DSE: variants seen among roughly 807,000 people sequenced by gnomAD.
DSE encodes dermatan sulfate epimerase.
A neutral mutation model predicts 84.4 loss-of-function variants in DSE; 36 were observed. That is an observed-to-expected ratio of 0.43 (90% confidence interval 0.33 to 0.56). The LOEUF (loss-of-function observed/expected upper bound fraction) is 0.56, where lower values mean the gene tolerates loss of function less well. Ranked by LOEUF, DSE falls within the 20% of genes least tolerant of loss-of-function variation. The probability of loss-of-function intolerance (pLI) is 0.06; values close to 1 mark genes in which losing one functional copy is unlikely to be tolerated. For missense variants in DSE, 862 were observed against 1,169.6 expected (o/e 0.74, Z 3.84); for synonymous variants, 410 against 430.1 (o/e 0.95, Z 0.58).
At chr6:116,267,176 G>A (rs939053426) in intron 2 of DSE, among the ~76,000 whole-genome samples, 2 of 152,202 alleles carry the variant, frequency 1.3e-5, no homozygotes, top group East Asian at 1.9e-4. Flanking sequence ...TATACTATAT[G>A]TGATTGTAGA....
At chr6:116,276,382 T>C (rs1773142813) in intron 2 of DSE, among the ~76,000 whole-genome samples, 1 of 151,792 alleles carries the variant, frequency 6.6e-6, no homozygotes, top group East Asian at 1.9e-4. Flanking sequence ...GAAGGGGAGG[T>C]TGTGCTGCAT....
rs186779062 is a variant in DSE, at chr6:116,439,396, C to T, written c.*2051C>T. On this transcript the variant is annotated 3_prime_UTR_variant, in exon 6 of 6. Coordinates refer to ENST00000644252, the MANE Select transcript of DSE (RefSeq NM_013352.4). Reference sequence around the variant, plus strand: ...ATTTTAAAGTAGTCTTTTTAAAATACGCATCTTTAAAACAAAATGAATTAA... The same window carrying T: ...ATTTTAAAGTAGTCTTTTTAAAATATGCATCTTTAAAACAAAATGAATTAA... 77 of 150,970 alleles carry T rather than the reference C, an allele frequency of 5.1e-4. No homozygotes were observed. The highest frequency in any genetic ancestry group is 3.4e-3 in the Middle Eastern group (1 of 292). The allele number at this position is 150,970 out of a possible 1,614,324, so 9.4% of individuals were successfully genotyped here.
At chr6:116,431,554 A>G (rs566885022) in intron 4 of DSE, among the ~76,000 whole-genome samples, 11 of 152,218 alleles carry the variant, frequency 7.2e-5, no homozygotes, top group Non-Finnish European at 1.5e-4. Flanking sequence ...GTTTTCCTTT[A>G]TATGTGATCC....
chr6:116,433,015 A>T lies in DSE; in HGVS notation c.911-328A>T, dbSNP rs536878435. 3 of 263,618 alleles carry T rather than the reference A, an allele frequency of 1.1e-5. No individual in the cohort carries two copies. The Admixed American group carries it at 1.5e-4, about 13-fold the overall frequency. 16.3% of individuals were successfully genotyped at this position (263,618 alleles called of 1,614,324 possible). Reference sequence around the variant, plus strand: ...TCAGAAACCCAAACTGCACAAGAGGATGTCCCATGTATATATGCAAATATA... The same window carrying T: ...TCAGAAACCCAAACTGCACAAGAGGTTGTCCCATGTATATATGCAAATATA... On this transcript the variant is annotated intron_variant, in intron 4 of 5. Coordinates refer to ENST00000644252, the MANE Select transcript of DSE (RefSeq NM_013352.4).
chr6:116,429,915 G>A (rs1172933979), intron 3 of DSE, among the ~76,000 whole-genome samples: 1 of 13,348 alleles, frequency 7.5e-5, no homozygotes, highest in African/African-American at 6.0e-4. Flanking sequence ...TTGCGCCACT[G>A]CACTCCCGTC....
chr6:116,258,184 T>A (rs1342135261), intron 1 of DSE, among the ~76,000 whole-genome samples: 1 of 147,378 alleles, frequency 6.8e-6, no homozygotes, highest in Non-Finnish European at 1.5e-5. Context: ...CCCGGCTAAT[T>A]TTTTTTTTTT....
chr6:116,383,849 C>A (rs1780408840), intron 1 of DSE, among the ~76,000 whole-genome samples: 1 of 152,208 alleles, frequency 6.6e-6, no homozygotes, highest in African/African-American at 2.4e-5. Flanking sequence ...TAGTCTCCAG[C>A]AGTCTACTAG....
intron 2 of DSE, among the ~76,000 whole-genome samples, chr6:116,296,117 C>G (rs1774649973): frequency 6.6e-6 from 1 of 151,994 alleles, no homozygotes; most frequent in Non-Finnish European, 1.5e-5. Flanking sequence ...TCCAGTACCC[C>G]CTCAGATACC....
intron 2 of DSE, among the ~76,000 whole-genome samples, chr6:116,406,085 G>C (rs1315169876): frequency 6.6e-6 from 1 of 152,188 alleles, no homozygotes; most frequent in Non-Finnish European, 1.5e-5. Context: ...AATTTTCTTT[G>C]TAAGATATGT....
At chr6:116,396,598 A>G (rs1781264483) in intron 1 of DSE, among the ~76,000 whole-genome samples, 1 of 152,224 alleles carries the variant, frequency 6.6e-6, no homozygotes, top group Non-Finnish European at 1.5e-5. Flanking sequence ...AGAACCTTCA[A>G]TAACAGTTGG....
chr6:116,257,860 G>A (rs1342573295), intron 1 of DSE, among the ~76,000 whole-genome samples: 1 of 152,084 alleles, frequency 6.6e-6, no homozygotes, highest in Admixed American at 6.6e-5. Context: ...CAATATATTA[G>A]AGGGGACAAA....
chr6:116,280,101 T>G (rs774630029), intron 2 of DSE: 10 of 539,412 alleles, frequency 1.9e-5, no homozygotes, highest in Non-Finnish European at 3.1e-5. Context: ...TAAATGTCGA[T>G]TGTGCTGAGT....
At chr6:116,363,244 TAC>T (rs1313528701) in intron 2 of DSE, among the ~76,000 whole-genome samples, 3 of 151,824 alleles carry the variant, frequency 2.0e-5, no homozygotes, top group Admixed American at 6.6e-5. Flanking sequence ...AATATATATA[TAC>T]ACACACACAT....
At chr6:116,297,085 G>T (rs1206232533) in intron 2 of DSE, among the ~76,000 whole-genome samples, 1 of 152,146 alleles carries the variant, frequency 6.6e-6, no homozygotes, top group Non-Finnish European at 1.5e-5. Flanking sequence ...GGTAGGCAAA[G>T]TATAGTGGAG....
chr6:116,316,820 C>CTAT (rs796894874), intron 2 of DSE, among the ~76,000 whole-genome samples: 1,655 of 97,512 alleles, frequency 0.017, 58 homozygotes, highest in Admixed American at 0.11. Flanking sequence ...ACTACTACTA[C>CTAT]TACTACTATT....
intron 1 of DSE, among the ~76,000 whole-genome samples, chr6:116,376,445 T>C (rs1297382465): frequency 6.6e-6 from 1 of 152,194 alleles, no homozygotes; most frequent in Non-Finnish European, 1.5e-5. Flanking sequence ...GAGAGCCTGT[T>C]AGAGATCACA....
chr6:116,279,674 C>T (rs1773379332), intron 2 of DSE: 1 of 1,608,804 alleles, frequency 6.2e-7, no homozygotes, highest in Non-Finnish European at 8.5e-7. Context: ...GTCTCCGAGC[C>T]TCCCTCACCC....
chr6:116,302,894 AG>A (rs1439327210), intron 2 of DSE, among the ~76,000 whole-genome samples: 1 of 152,228 alleles, frequency 6.6e-6, no homozygotes, highest in African/African-American at 2.4e-5. Flanking sequence ...TTTATTAAAT[AG>A]GGAATCCTGT....
chr6:116,281,906 T>A (rs1773567905), intron 2 of DSE, among the ~76,000 whole-genome samples: 1 of 152,204 alleles, frequency 6.6e-6, no homozygotes, highest in Admixed American at 6.5e-5. Flanking sequence ...AGTTTCCTAC[T>A]CAGGAGAATG....
Sources: allele counts gnomAD v4.1 joint callset (sites outside exome capture counted in the v4.1 genomes callset), GRCh38; gene constraint gnomAD v4.1.1; transcripts MANE v1.5; gene names NCBI Gene and HGNC (gene_info 2026-07-23, HGNC 2026-07-21).